The following SREK1 variants were observed in gnomAD, a reference collection of about 807,000 sequenced individuals.
The protein encoded by SREK1 is splicing regulatory glutamic acid and lysine rich protein 1.
In SREK1, 13 loss-of-function variants were observed where a neutral mutation model predicts 66.5. That is an observed-to-expected ratio of 0.20 (90% CI 0.13 to 0.31). The LOEUF is 0.31. Among genes scored for constraint, SREK1 ranks in the 10% least tolerant of loss-of-function variants. The pLI is 1.00. For missense variants in SREK1, 607 were observed against 769.6 expected, an observed-to-expected ratio of 0.79 and a Z score of 2.50; for synonymous variants, 265 against 263.5, an observed-to-expected ratio of 1.01 and a Z score of -0.05.
intron 6 of SREK1, chr5:66,164,169 A>C (rs1432122214): frequency 1.0e-5 from 4 of 385,870 alleles, no homozygotes; most frequent in Non-Finnish European, 1.8e-5. Flanking sequence ...TAGCAAAATC[A>C]GTGCTCACAA....
chr5:66,163,710 AAT>A (rs1744948521), intron 5 of SREK1, 80 bp from the exon 6 acceptor site: 1 of 1,417,880 alleles, frequency 7.1e-7, no homozygotes, highest in Non-Finnish European at 9.5e-7. Flanking sequence ...CACGTTTATA[AAT>A]ATGTGTATCA....
At chr5:66,167,863 T>C (rs1745300204) in intron 7 of SREK1, 1 of 152,214 alleles carries the variant, frequency 6.6e-6, no homozygotes, top group South Asian at 2.1e-4. Flanking sequence ...GTAAGACTTT[T>C]TATTAAGTAT....
At chr5:66,144,666 C>A in intron 1 of SREK1, 129 bp downstream of exon 1, 1 of 1,404,930 alleles carries the variant, frequency 7.1e-7, no homozygotes, top group Non-Finnish European at 9.3e-7. Flanking sequence ...TACCTTGGTG[C>A]CCATATTTGA....
At chr5:66,144,571 G>T in intron 1 of SREK1, 34 bp downstream of exon 1, 1 of 1,533,870 alleles carries the variant, frequency 6.5e-7, no homozygotes, top group Non-Finnish European at 8.8e-7. Flanking sequence ...GGAGGGGCGC[G>T]GGCGCCATAG....
At chr5:66,159,123 TTATTA>T in intron 2 of SREK1, 91 bp from the exon 3 acceptor site, 1 of 1,456,734 alleles carries the variant, frequency 6.9e-7, no homozygotes, top group Non-Finnish European at 9.1e-7. Context: ...TCATTTATTA[TTATTA>T]TTTTTTAACT....
chr5:66,156,777 T>G (rs1744320632), intron 2 of SREK1: 1 of 985,314 alleles, frequency 1.0e-6, no homozygotes. Flanking sequence ...GACTTTTTGT[T>G]GCCTATGTGG....
In SREK1 at chr5:66,162,240, G is replaced by A. The variant is rs754043849; in HGVS notation, c.543G>A (p.Arg181=). 35 of 1,614,026 alleles carry A rather than the reference G, an allele frequency of 2.2e-5. No individual in the cohort carries two copies. The highest frequency in any genetic ancestry group is 2.9e-5 in the Non-Finnish European group (34 of 1,180,000). The change falls in exon 4 of 12, where the codon AGG becomes AGA. Residue 181 remains arginine (R), a synonymous_variant. Coordinates refer to ENST00000334121, the MANE Select transcript of SREK1 (RefSeq NM_001077199.3). ...ATCCTTCCAAAATAGATGAAATTAG[G>A]AGAACGGTTTATGTTGGAAATCTGA... ...NVDPSKIDEI[R]RTVYVGNLNS... is the part of the protein sequence containing the mutation.
Position 66,159,312 on chromosome 5 carries a change from C to T in SREK1, c.389C>T (p.Pro130Leu). The T allele has an allele frequency of 6.2e-7, 1 of 1,612,182 alleles. No homozygotes were observed. Among genetic ancestry groups the T allele is most frequent in the Non-Finnish European group, 8.5e-7 (1 of 1,179,168 alleles). ...LMPGAGLLPIPTPNPLTTLGV... is the reference protein window; with the variant it reads ...LMPGAGLLPILTPNPLTTLGV... ...CCTGGTGCAGGATTGCTTCCAATAC[C>T]GACCCCAAATCCTTTGACTACTGTA... Residue 130 changes from proline (P) to leucine (L), a missense_variant, in exon 3 of 12, where the codon CCG (proline) becomes CTG (leucine). Transcript: ENST00000334121.
At chr5:66,145,647 C>A (rs939914221) in intron 1 of SREK1, among the ~76,000 whole-genome samples, 1 of 151,690 alleles carries the variant, frequency 6.6e-6, no homozygotes, top group South Asian at 2.1e-4. Context: ...TTCATGCATA[C>A]AGAAAAGTTG....
chr5:66,164,354 C>T, intron 6 of SREK1: 2 of 323,676 alleles, frequency 6.2e-6, no homozygotes, highest in South Asian at 2.7e-5. Flanking sequence ...AAAAGAACAT[C>T]TATTTAAACT....
At chr5:66,163,981 G>A in intron 6 of SREK1, 59 bp downstream of exon 6, 1 of 1,529,616 alleles carries the variant, frequency 6.5e-7, no homozygotes, top group Non-Finnish European at 8.8e-7. Flanking sequence ...TCTTAGAACT[G>A]GAAGGAATTT....
intron 2 of SREK1, 93 bp downstream of exon 2, chr5:66,153,689 C>CGA: frequency 6.7e-7 from 1 of 1,500,254 alleles, no homozygotes; most frequent in Non-Finnish European, 9.1e-7. Flanking sequence ...AGACAGTACT[C>CGA]TTGGTGTGTG....
chr5:66,149,858 C>T (rs1348243455), intron 1 of SREK1, among the ~76,000 whole-genome samples: 2 of 152,124 alleles, frequency 1.3e-5, no homozygotes, highest in Non-Finnish European at 2.9e-5. Flanking sequence ...GATTTCACTG[C>T]GTTGAAAAAT....
rs367716894 is a variant in SREK1 at position 66,163,831 on chromosome 5, G to A, written c.795G>A (p.Glu265=). 7 of 1,613,616 alleles carry A rather than the reference G, an allele frequency of 4.3e-6. No homozygotes were observed. The African/African-American group carries it at 9.3e-5, about 22-fold the overall frequency. Residue 265 remains glutamate, a synonymous_variant, in exon 6 of 12, where the codon GAG becomes GAA. Transcript: ENST00000334121. ...HSNNAIVKPP[E]MTPQAAAKEL... is the part of the protein sequence containing the mutation. Reference sequence around the variant, plus strand: ...ACAATGCAATAGTAAAACCCCCTGAGATGACACCTCAGGCTGCAGCTAAGG... The same window carrying A: ...ACAATGCAATAGTAAAACCCCCTGAAATGACACCTCAGGCTGCAGCTAAGG...
rs959032460 is a variant in SREK1 at position 66,181,941 on chromosome 5, T to G, written c.*3073T>G. On this transcript the variant is annotated 3_prime_UTR_variant, in exon 12 of 12. Transcript: ENST00000334121. ...AAGAGAATTTATTTTGTGATAGTAA[T>G]AATTTTCAAGACCTTCAGTCATTCC... 5.6e-5 allele frequency: 8 copies of G among 143,258 alleles called. No homozygotes were observed. The highest frequency in any genetic ancestry group is 7.6e-5 in the Non-Finnish European group (5 of 65,742). 8.9% of individuals were successfully genotyped at this position (143,258 alleles called of 1,614,324 possible). A position where few individuals can be genotyped will look rare whatever the true frequency, so the allele number is the denominator to read the frequency against.
chr5:66,153,579 T>C lies in SREK1; in HGVS notation c.278T>C (p.Val93Ala), dbSNP rs1388401493. ...GTTTTTATTGACAGAGCTCTGATAGTTGTTCCTTGTGCAGAAGGTTGGTAT... is the reference window on the plus strand; with the variant it reads ...GTTTTTATTGACAGAGCTCTGATAGCTGTTCCTTGTGCAGAAGGTTGGTAT... ...NTVFIDRALI[V>A]VPCAEGKIPE... Residue 93 changes from valine to alanine, a missense_variant, in exon 2 of 12, where the codon GTT (valine) becomes GCT (alanine). This residue lies in a region of SREK1 where 99 missense variants were observed against 186.6 expected (regional missense o/e 0.53). Transcript: ENST00000334121. The C allele has an allele frequency of 1.2e-6, 2 of 1,614,040 alleles. No homozygotes were observed. The highest frequency in any genetic ancestry group is 1.7e-6 in the Non-Finnish European group (2 of 1,179,934).
intron 7 of SREK1, chr5:66,169,212 A>G (rs1237570349): frequency 6.6e-6 from 1 of 152,250 alleles, no homozygotes; most frequent in Admixed American, 6.6e-5. Flanking sequence ...CCTAGTCCAA[A>G]TTGGAATAAC....
intron 3 of SREK1, among the ~76,000 whole-genome samples, chr5:66,160,023 G>C (rs1473282501): frequency 6.6e-6 from 1 of 152,098 alleles, no homozygotes; most frequent in East Asian, 1.9e-4. Flanking sequence ...CCAGCTGCTC[G>C]GGAGGCCGAG....
At chr5:66,150,106 C>T (rs1037796085) in intron 1 of SREK1, among the ~76,000 whole-genome samples, 9 of 152,336 alleles carry the variant, frequency 5.9e-5, no homozygotes, top group East Asian at 1.9e-4. Flanking sequence ...CTCATTTGGT[C>T]GAGCCTGACT....
Sources: allele counts gnomAD v4.1 joint callset (sites outside exome capture counted in the v4.1 genomes callset), GRCh38; gene constraint gnomAD v4.1.1; regional missense constraint gnomAD v4.1.1; transcripts MANE v1.5; gene names NCBI Gene and HGNC (gene_info 2026-07-23, HGNC 2026-07-21).